CA13: variants seen among roughly 807,000 people sequenced by gnomAD.
The protein encoded by CA13 is carbonic anhydrase 13.
CA13 carries 21 observed loss-of-function variants against 31.5 expected under a neutral mutation model. That is an observed-to-expected ratio of 0.67 (90% CI 0.47 to 0.96). The LOEUF (loss-of-function observed/expected upper bound fraction) is 0.96. Ranked by LOEUF, CA13 falls within the 40% of genes least tolerant of loss-of-function variation. The pLI, the probability that CA13 is intolerant of heterozygous loss-of-function variation, is 0.00. For missense variants in CA13, 315 were observed against 318.9 expected, an observed-to-expected ratio of 0.99 and a Z score of 0.09; for synonymous variants, 117 against 111.4, an observed-to-expected ratio of 1.05 and a Z score of -0.32.
At chr8:85,268,375 T>C (rs1807483367) in intron 5 of CA13, 97 bp from the exon 6 acceptor site, 3 of 1,049,720 alleles carry the variant, frequency 2.9e-6, no homozygotes, top group Non-Finnish European at 4.3e-6. Flanking sequence ...TCTGTATTGT[T>C]TATGGAATTA....
rs1396736017 is a variant in CA13, at chr8:85,266,568, T to C, written c.355-40T>C. ...TTGCATTTATGTTTTTCAGGATGTC[T>C]AACAAAACATTCCTACTATGTTGTA... On this transcript the variant is annotated intron_variant, in intron 3 of 6. Transcript: ENST00000321764. 8 of 1,478,010 alleles carry C rather than the reference T, an allele frequency of 5.4e-6. No individual in the cohort carries two copies. In the African/African-American group the frequency reaches 9.7e-5, roughly 18 times the overall value. 91.6% of individuals were successfully genotyped at this position (1,478,010 alleles called of 1,614,324 possible). A position where few individuals can be genotyped will look rare whatever the true frequency, so the allele number is the denominator to read the frequency against.
At chr8:85,260,868 C>G (rs1807367699) in intron 3 of CA13, among the ~76,000 whole-genome samples, 1 of 152,220 alleles carries the variant, frequency 6.6e-6, no homozygotes, top group Admixed American at 6.5e-5. Flanking sequence ...ACTGGTCTCT[C>G]ATTTTCCTTA....
chr8:85,255,655 G>A lies in CA13; in HGVS notation c.236-3766G>A, dbSNP rs56696632. ...GGCCTCCCAAAGTGCTGGGATTATA[G>A]GCATGAGTCACTGTGCCATGCCTGG... is the stretch of plus-strand genomic sequence containing the variant. On this transcript the variant is annotated intron_variant, in intron 2 of 6. Coordinates refer to ENST00000321764, the MANE Select transcript of CA13 (RefSeq NM_198584.3). 8.0e-3 allele frequency among the ~76,000 whole-genome samples: 1,225 copies of A among 152,292 alleles called. 17 individuals are homozygous for A. The highest frequency in any genetic ancestry group is 0.028 in the African/African-American group (1,155 of 41,554).
At chr8:85,254,750 A>G (rs151270950) in intron 2 of CA13, among the ~76,000 whole-genome samples, 1 of 151,674 alleles carries the variant, frequency 6.6e-6, no homozygotes, top group East Asian at 1.9e-4. Context: ...ATTAAAAAGA[A>G]GAAACCACCA....
intron 6 of CA13, among the ~76,000 whole-genome samples, chr8:85,279,308 G>C (rs1807663297): frequency 6.6e-6 from 1 of 152,208 alleles, no homozygotes; most frequent in African/African-American, 2.4e-5. Flanking sequence ...GATAAGACTG[G>C]TGGGAACCAG....
intron 6 of CA13, among the ~76,000 whole-genome samples, chr8:85,273,810 CGACA>C (rs1807562107): frequency 1.3e-5 from 2 of 151,972 alleles, no homozygotes; most frequent in Non-Finnish European, 2.9e-5. Flanking sequence ...AAGAGTGCGC[CGACA>C]GACAACACGA....
At chr8:85,245,988 TTA>T in intron 1 of CA13, 123 bp downstream of exon 1, 1 of 1,108,162 alleles carries the variant, frequency 9.0e-7, no homozygotes, top group Admixed American at 1.7e-5. Flanking sequence ...CGGTTCCTCT[TTA>T]AACTAAGCAG....
At chr8:85,279,368 C>G (rs1295360251) in intron 6 of CA13, among the ~76,000 whole-genome samples, 1 of 152,184 alleles carries the variant, frequency 6.6e-6, no homozygotes, top group Non-Finnish European at 1.5e-5. Flanking sequence ...ACACCCAGAG[C>G]CAACAGAAAC....
rs867867333 is a variant in CA13, at chr8:85,273,444, C to T, written c.669+4817C>T. On this transcript the variant is annotated intron_variant, in intron 6 of 6. Coordinates refer to ENST00000321764, the MANE Select transcript of CA13 (RefSeq NM_198584.3). Reference sequence around the variant, plus strand: ...GATAACAGCTCTTTCTCAGGCTGGGCGCAGTGGCTCACTCCTGTAATCCCA... The same window carrying T: ...GATAACAGCTCTTTCTCAGGCTGGGTGCAGTGGCTCACTCCTGTAATCCCA... Among the ~76,000 whole-genome samples the T allele has an allele frequency of 5.3e-5, 8 of 152,176 alleles. 1 individual carries two copies. The highest frequency in any genetic ancestry group is 2.1e-4 in the South Asian group (1 of 4,822).
chr8:85,245,825 G>T lies in CA13; in HGVS notation c.-4G>T, dbSNP rs532136857. 6.2e-7 allele frequency: 1 copy of T among 1,614,074 alleles called. No homozygotes were observed. Among genetic ancestry groups the T allele is most frequent in the East Asian group, 2.2e-5 (1 of 44,870 alleles). On this transcript the variant is annotated 5_prime_UTR_variant, in exon 1 of 7. Coordinates refer to ENST00000321764, the MANE Select transcript of CA13 (RefSeq NM_198584.3). Reference sequence around the variant, plus strand: ...TCTTTCTCTTCCTTCCACCCCGAGGGACCATGTCGAGGCTCAGCTGGGGAT... The same window carrying T: ...TCTTTCTCTTCCTTCCACCCCGAGGTACCATGTCGAGGCTCAGCTGGGGAT...
intron 6 of CA13, among the ~76,000 whole-genome samples, chr8:85,278,105 A>C (rs147235361): frequency 1.2e-3 from 186 of 151,890 alleles, no homozygotes; most frequent in African/African-American, 4.0e-3. Flanking sequence ...CACTTAAAAA[A>C]AAAAAAATTA....
chr8:85,253,868 A>G (rs78158936), intron 2 of CA13, among the ~76,000 whole-genome samples: 3 of 152,186 alleles, frequency 2.0e-5, no homozygotes, highest in African/African-American at 7.2e-5. Context: ...ATATATTGTA[A>G]AAGTGTCCAA....
rs1263331730 is a variant in CA13, at chr8:85,282,893, T to C, written c.*1544T>C. ...TCCTTGATTTGGAAGATTTGTTTCT[T>C]TTATCTCTCTTCCTCTGGATGTAGT... On this transcript the variant is annotated 3_prime_UTR_variant, in exon 7 of 7. Transcript: ENST00000321764. The C allele has an allele frequency of 6.6e-6, 1 of 151,504 alleles. No homozygotes were observed. Among genetic ancestry groups the C allele is most frequent in the Non-Finnish European group, 1.5e-5 (1 of 67,934 alleles). 9.4% of individuals were successfully genotyped at this position (151,504 alleles called of 1,614,324 possible).
chr8:85,275,820 T>C (rs1807594550), intron 6 of CA13, among the ~76,000 whole-genome samples: 1 of 152,264 alleles, frequency 6.6e-6, no homozygotes, highest in Admixed American at 6.5e-5. Flanking sequence ...AGGATTTTTC[T>C]ATATAAGTAT....
At chr8:85,281,085 G>A in intron 6 of CA13, 145 bp from the exon 7 acceptor site, 1 of 940,506 alleles carries the variant, frequency 1.1e-6, no homozygotes, top group Non-Finnish European at 1.5e-6. Flanking sequence ...CAAAAGAGTT[G>A]CTTTATTATA....
In CA13 at chr8:85,250,887, A is replaced by G; in HGVS notation, c.185A>G (p.Asn62Ser). Reference protein sequence around the residue: ...YDPSSAKIISNSGHSFNVDFD... With the variant: ...YDPSSAKIISSSGHSFNVDFD... ...CCAAGCTCAGCTAAAATCATCAGCAACAGCGGCCATTCCTTCAATGTTGAC... is the reference window on the plus strand; with the variant it reads ...CCAAGCTCAGCTAAAATCATCAGCAGCAGCGGCCATTCCTTCAATGTTGAC... The change falls in exon 2 of 7, where the codon AAC (asparagine) becomes AGC (serine). Residue 62 changes from asparagine (N) to serine (S), a missense_variant. By Grantham distance (46) the Asn-to-Ser change is conservative. Coordinates refer to ENST00000321764, the MANE Select transcript of CA13 (RefSeq NM_198584.3). The G allele has an allele frequency of 6.2e-7, 1 of 1,614,140 alleles. No homozygotes were observed. Among genetic ancestry groups the G allele is most frequent in the Non-Finnish European group, 8.5e-7 (1 of 1,180,026 alleles).
chr8:85,281,263 G>A lies in CA13; in HGVS notation c.703G>A (p.Glu235Lys). ...AKFRSLLCTAEGEAAAFLVSN... is the reference protein window; with the variant it reads ...AKFRSLLCTAKGEAAAFLVSN... ...ATTTCGCAGTCTCCTGTGCACAGCG[G>A]AGGGTGAAGCAGCAGCTTTTCTGGT... is the stretch of plus-strand genomic sequence containing the variant. The change falls in exon 7 of 7, where the codon GAG (glutamate) becomes AAG (lysine). Residue 235 changes from glutamate to lysine, a missense_variant. By Grantham distance (56) the Glu-to-Lys change is moderately conservative (BLOSUM62 1). Coordinates refer to ENST00000321764, the MANE Select transcript of CA13 (RefSeq NM_198584.3). The A allele has an allele frequency of 6.2e-7, 1 of 1,614,060 alleles. No homozygotes were observed. Among genetic ancestry groups the A allele is most frequent in the Non-Finnish European group, 8.5e-7 (1 of 1,179,970 alleles).
chr8:85,278,405 C>T (rs543825881), intron 6 of CA13, among the ~76,000 whole-genome samples: 9 of 152,082 alleles, frequency 5.9e-5, no homozygotes, highest in Non-Finnish European at 1.0e-4. Context: ...GGGACCACCC[C>T]TCCCAAAACT....
intron 6 of CA13, among the ~76,000 whole-genome samples, chr8:85,277,364 G>A (rs1034057462): frequency 2.0e-5 from 3 of 151,908 alleles, no homozygotes; most frequent in Non-Finnish European, 2.9e-5. Context: ...AACACTCACC[G>A]GGAAGCTCTG....
Sources: allele counts gnomAD v4.1 joint callset (sites outside exome capture counted in the v4.1 genomes callset), GRCh38; gene constraint gnomAD v4.1.1; transcripts MANE v1.5; gene names NCBI Gene and HGNC (gene_info 2026-07-23, HGNC 2026-07-21).